The following USP9Y variants were observed in gnomAD, a reference collection of about 807,000 sequenced individuals.
The protein encoded by USP9Y is ubiquitin carboxyl-terminal hydrolase 9Y.
USP9Y carries 41 observed loss-of-function variants against 53.1 expected under a neutral mutation model. The observed-to-expected ratio is 0.77, with a 90% CI of 0.60 to 1.00. The LOEUF is 1.00. Among genes scored for constraint, USP9Y ranks in the 50% least tolerant of loss-of-function variants. The probability of loss-of-function intolerance (pLI) is 0.00; values close to 1 mark genes in which losing one functional copy is unlikely to be tolerated. For missense variants in USP9Y, 567 were observed against 535.8 expected, an observed-to-expected ratio of 1.06 and a Z score of -0.58; for synonymous variants, 220 against 173.7, an observed-to-expected ratio of 1.27 and a Z score of -2.09.
intron 1 of USP9Y, among the ~76,000 whole-genome samples, chrY:12,702,961 A>T (rs548312986): frequency 7.5e-4 from 25 of 33,454 alleles, no homozygotes; most frequent in African/African-American, 2.9e-3. Flanking sequence ...CTCCATACTA[A>T]GTTGAATTAG....
At chrY:12,732,862 C>A (rs771885927) in intron 7 of USP9Y, among the ~76,000 whole-genome samples, 1 of 32,760 alleles carries the variant, frequency 3.1e-5, no homozygotes, top group African/African-American at 1.2e-4. Context: ...TTTCTTTAGC[C>A]TCCTTTTTCA....
chrY:12,759,428 G>T, intron 14 of USP9Y, among the ~76,000 whole-genome samples: 7 of 33,315 alleles, frequency 2.1e-4, no homozygotes, highest in African/African-American at 7.1e-4. Flanking sequence ...GGGTGCTGCG[G>T]CTCATGCCTG....
intron 26 of USP9Y, among the ~76,000 whole-genome samples, chrY:12,792,219 G>C: frequency 2.9e-5 from 1 of 34,321 alleles, no homozygotes; most frequent in Non-Finnish European, 7.3e-5. Context: ...CTGGGAGGCA[G>C]ATGTTGCAGT....
Position 12,816,502 on chromosome Y carries a change from A to G in USP9Y, c.4830+158A>G, listed in dbSNP as rs766717269. On this transcript the variant is annotated intron_variant, in intron 32 of 45. Coordinates refer to ENST00000338981, the MANE Select transcript of USP9Y (RefSeq NM_004654.4). ...GTCTGGCATACTTGTAGTACTCACT[A>G]TGTAATAGACTTAAAACTCCAGTTG... Among the ~76,000 whole-genome samples, 8 of 34,102 alleles carry G rather than the reference A, an allele frequency of 2.3e-4. No individual in the cohort carries two copies. The East Asian group carries it at 4.6e-3, about 20-fold the overall frequency. 91.5% of individuals were successfully genotyped at this position (34,102 alleles called of 37,273 possible). A position where few individuals can be genotyped will look rare whatever the true frequency, so the allele number is the denominator to read the frequency against.
At chrY:12,782,967 T>G in intron 22 of USP9Y, among the ~76,000 whole-genome samples, 1 of 34,074 alleles carries the variant, frequency 2.9e-5, no homozygotes, top group East Asian at 7.8e-4. Flanking sequence ...CTCTGCTAGT[T>G]TTAAGCTTTT....
intron 21 of USP9Y, among the ~76,000 whole-genome samples, 168 bp downstream of exon 21, chrY:12,778,923 G>T (rs2053496095): frequency 3.0e-5 from 1 of 33,417 alleles, no homozygotes; most frequent in Admixed American, 2.8e-4. Context: ...ATAAAATTAT[G>T]TAGGTAGAAT....
chrY:12,841,160 T>C (rs775187997), intron 37 of USP9Y, 27 bp downstream of exon 37: 7 of 376,902 alleles, frequency 1.9e-5, no homozygotes, highest in Non-Finnish European at 2.6e-5. Context: ...TTCATTCTTA[T>C]AGTACTTATA....
At chrY:12,754,552 A>G (rs2053466690) in intron 12 of USP9Y, among the ~76,000 whole-genome samples, 1 of 32,732 alleles carries the variant, frequency 3.1e-5, no homozygotes, top group African/African-American at 1.2e-4. Flanking sequence ...CCTCAATTAT[A>G]TTAATTTCTG....
intron 22 of USP9Y, among the ~76,000 whole-genome samples, chrY:12,785,263 C>T (rs2053500609): frequency 3.0e-5 from 1 of 33,131 alleles, no homozygotes; most frequent in African/African-American, 1.2e-4. Flanking sequence ...CAGTATTTTT[C>T]TTTTTGTGAC....
chrY:12,708,246 A>G, intron 1 of USP9Y, among the ~76,000 whole-genome samples: 1 of 33,530 alleles, frequency 3.0e-5, no homozygotes, highest in East Asian at 7.8e-4. Flanking sequence ...ACTAATGAAT[A>G]TGGAATGTAA....
intron 27 of USP9Y, chrY:12,803,112 T>C: frequency 3.0e-5 from 1 of 32,961 alleles, no homozygotes; most frequent in Non-Finnish European, 7.5e-5. Flanking sequence ...TGTTTGTTGC[T>C]CCATGGGCTA....
chrY:12,719,948 G>A, intron 3 of USP9Y, among the ~76,000 whole-genome samples: 1 of 31,671 alleles, frequency 3.2e-5, no homozygotes, highest in African/African-American at 1.2e-4. Context: ...CACCATATCC[G>A]TTTTTGTTTT....
intron 39 of USP9Y, among the ~76,000 whole-genome samples, chrY:12,843,596 AGAATTT>A (rs2053564219): frequency 3.0e-5 from 1 of 33,537 alleles, no homozygotes; most frequent in Non-Finnish European, 7.4e-5. Context: ...ATTTCTTTAA[AGAATTT>A]GACATGTACA....
chrY:12,768,775 T>G (rs2053482495), intron 15 of USP9Y, among the ~76,000 whole-genome samples: 1 of 33,098 alleles, frequency 3.0e-5, no homozygotes, highest in Admixed American at 2.8e-4. Flanking sequence ...AGGGGTCAAC[T>G]GTACTTGTTA....
At chrY:12,842,615 C>T in intron 38 of USP9Y, 150 bp downstream of exon 38, 7 of 149,035 alleles carry the variant, frequency 4.7e-5, no homozygotes, top group African/African-American at 1.8e-4. Flanking sequence ...CTTGTGAGTT[C>T]GTAAAATTAT....
chrY:12,737,860 G>T (rs2053453159), intron 10 of USP9Y, among the ~76,000 whole-genome samples: 1 of 33,394 alleles, frequency 3.0e-5, no homozygotes, highest in African/African-American at 1.2e-4. Context: ...TATACTAATT[G>T]CAGATTACAA....
intron 42 of USP9Y, among the ~76,000 whole-genome samples, chrY:12,850,540 T>C: frequency 3.3e-5 from 1 of 30,252 alleles, no homozygotes; most frequent in Non-Finnish European, 7.9e-5. Context: ...AGCTTTTGAA[T>C]GTGCTCTTGC....
intron 15 of USP9Y, among the ~76,000 whole-genome samples, chrY:12,765,780 G>A (rs1048755877): frequency 2.3e-3 from 76 of 33,312 alleles, no homozygotes; most frequent in Non-Finnish European, 4.8e-3. Flanking sequence ...AATCCATCCT[G>A]CACCATTTGC....
intron 15 of USP9Y, among the ~76,000 whole-genome samples, chrY:12,769,559 A>G (rs2053483620): frequency 1.8e-4 from 6 of 33,841 alleles, no homozygotes; most frequent in Admixed American, 1.6e-3. Flanking sequence ...ATTCCTGACA[A>G]CACTTGGTAT....
Sources: gnomAD v4.1 joint callset for allele counts (sites outside exome capture counted in the v4.1 genomes callset) on GRCh38, gnomAD v4.1.1 for gene constraint, MANE v1.5 for transcripts, NCBI Gene and HGNC (gene_info 2026-07-23, HGNC 2026-07-21) for gene names.